Variants in TSPYL4 observed in about 807,000 individuals in gnomAD.
TSPYL4 encodes testis-specific Y-encoded-like protein 4.
A neutral mutation model predicts 24.2 loss-of-function variants in TSPYL4; 22 were observed. The ratio of observed to expected loss-of-function variants is 0.91; its 90% CI spans 0.65 to 1.30. The LOEUF is 1.30. Ranked by LOEUF, TSPYL4 falls within the 50% of genes most tolerant of loss-of-function variation. The pLI, the probability that TSPYL4 is intolerant of heterozygous loss-of-function variation, is 0.00. For synonymous variants in TSPYL4, 211 were observed against 208.2 expected (o/e 1.01, Z -0.12); for missense variants, 569 against 536.7 (o/e 1.06, Z -0.60).
At position 116,253,579 on chromosome 6, in the gene TSPYL4, T is replaced by A. The variant is rs1036981959; in HGVS notation, c.430A>T (p.Ile144Leu). Reference sequence around the variant, plus strand: ...ACTTCCTTGGCCTTCTTCCCCGGTATCATCTGAGACCCCAAGCCCCCTGCG... The same window carrying A: ...ACTTCCTTGGCCTTCTTCCCCGGTAACATCTGAGACCCCAAGCCCCCTGCG... ...CGAGGLGSQMIPGKKAKEVTT... is the reference protein window; with the variant it reads ...CGAGGLGSQMLPGKKAKEVTT... The change falls in exon 1 of 1, where the codon ATA becomes TTA. Residue 144 changes from isoleucine (I) to leucine (L), a missense_variant. Ile to Leu is a conservative substitution (Grantham distance 5, BLOSUM62 2). Transcript: ENST00000420283. This position sits in a 1 kb window ranked among gnomAD's most constrained non-coding sequence, Gnocchi z 4.3. 3.2e-6 allele frequency: 5 copies of A among 1,551,938 alleles called. No individual in the cohort carries two copies. The highest frequency in any genetic ancestry group is 4.4e-6 in the Non-Finnish European group (5 of 1,147,090).
At position 116,253,563 on chromosome 6, in the gene TSPYL4, G is replaced by C; in HGVS notation, c.446C>G (p.Ala149Gly). 6.4e-7 allele frequency: 1 copy of C among 1,551,850 alleles called. No homozygotes were observed. The change falls in exon 1 of 1, where the codon GCC becomes GGC. Residue 149 changes from alanine to glycine, a missense_variant. Ala to Gly is a moderately conservative substitution (Grantham distance 60). Coordinates refer to ENST00000420283, the MANE Select transcript of TSPYL4 (RefSeq NM_021648.5). The surrounding 1 kb of genome is among the most constrained non-coding windows in gnomAD (Gnocchi z 4.3). ...GCGTTTTTTAGTCGTCACTTCCTTG[G>C]CCTTCTTCCCCGGTATCATCTGAGA... ...LGSQMIPGKK[A>G]KEVTTKKRAI...
At position 116,252,621 on chromosome 6, in the gene TSPYL4, A is replaced by T; in HGVS notation, c.*143T>A. The T allele has an allele frequency of 9.3e-7, 1 of 1,073,796 alleles. No individual in the cohort carries two copies. Among genetic ancestry groups the T allele is most frequent in the Non-Finnish European group, 1.3e-6 (1 of 768,662 alleles). 66.5% of individuals were successfully genotyped at this position (1,073,796 alleles called of 1,614,324 possible). On this transcript the variant is annotated 3_prime_UTR_variant, in exon 1 of 1. Transcript: ENST00000420283. ...AGGTAAGCCAACAATCTTGCAACCG[A>T]TTACTGAAGATTTAGAACCAAAGGA...
At position 116,253,116 on chromosome 6, in the gene TSPYL4, A is replaced by G; in HGVS notation, c.893T>C (p.Phe298Ser). ...GAAGTAGGGGTTGCCCTGAAAGATG[A>G]ACTTGAATTTGCAGCCTGCTCTGGG... The part of the protein sequence containing the change: ...KHPRAGCKFK[F>S]IFQGNPYFRN... The change falls in exon 1 of 1, where the codon TTC becomes TCC. Residue 298 changes from phenylalanine to serine, a missense_variant. Phe to Ser is a radical substitution (Grantham distance 155). Coordinates refer to ENST00000420283, the MANE Select transcript of TSPYL4 (RefSeq NM_021648.5). This position sits in a 1 kb window ranked among gnomAD's most constrained non-coding sequence, Gnocchi z 4.3. 1 of 1,614,052 alleles carries G rather than the reference A, an allele frequency of 6.2e-7. No homozygotes were observed. The highest frequency in any genetic ancestry group is 8.5e-7 in the Non-Finnish European group (1 of 1,180,000).
Position 116,252,645 on chromosome 6 carries a change from GA to G in TSPYL4, c.*118del, listed in dbSNP as rs1771971332. 4 of 1,267,666 alleles carry G rather than the reference GA, an allele frequency of 3.2e-6. No homozygotes were observed. In the East Asian group the frequency reaches 1.0e-4, roughly 32 times the overall value. The allele number at this position is 1,267,666 out of a possible 1,614,324, so 78.5% of individuals were successfully genotyped here. ...GATTACTGAAGATTTAGAACCAAAG[GA>G]AAAGATAATCCACAGTATGAAGAGA... On this transcript the variant is annotated 3_prime_UTR_variant, in exon 1 of 1. Transcript: ENST00000420283.
At position 116,253,592 on chromosome 6, in the gene TSPYL4, C is replaced by T. The variant is rs903987079; in HGVS notation, c.417G>A (p.Leu139=). The T allele has an allele frequency of 1.9e-6, 3 of 1,552,318 alleles. No homozygotes were observed. The East Asian group carries it at 7.3e-5, about 38-fold the overall frequency. Residue 139 remains leucine, a synonymous_variant, in exon 1 of 1, where the codon TTG becomes TTA. Transcript: ENST00000420283. This position sits in a 1 kb window ranked among gnomAD's most constrained non-coding sequence, Gnocchi z 4.3. Reference sequence around the variant, plus strand: ...TCTTCCCCGGTATCATCTGAGACCCCAAGCCCCCTGCGCCACAGGCTTCTA... The same window carrying T: ...TCTTCCCCGGTATCATCTGAGACCCTAAGCCCCCTGCGCCACAGGCTTCTA... ...KALEACGAGG[L]GSQMIPGKKA...
chr6:116,253,691 G>T lies in TSPYL4; in HGVS notation c.318C>A (p.Ala106=), dbSNP rs1293568154. ...TTTTCTGGCTGCTGTCAGCAGCCTC[G>T]GCGGCAGAGGCTGCTTCCAGACCTT... is the stretch of plus-strand genomic sequence containing the variant. ...STKGLEAASA[A]EAADSSQKNG... Residue 106 remains alanine (A), a synonymous_variant, in exon 1 of 1, where the codon GCC becomes GCA. Coordinates refer to ENST00000420283, the MANE Select transcript of TSPYL4 (RefSeq NM_021648.5). This position sits in a 1 kb window ranked among gnomAD's most constrained non-coding sequence, Gnocchi z 4.3. 1 of 1,559,254 alleles carries T rather than the reference G, an allele frequency of 6.4e-7. No individual in the cohort carries two copies. Among genetic ancestry groups the T allele is most frequent in the South Asian group, 1.2e-5 (1 of 85,042 alleles).
rs747898961 is a variant in TSPYL4, at chr6:116,251,417, CAATT to C, written c.*1343_*1346del. 10 of 394,566 alleles carry C rather than the reference CAATT, an allele frequency of 2.5e-5. No homozygotes were observed. Among genetic ancestry groups the C allele is most frequent in the East Asian group, 7.2e-5 (2 of 27,864 alleles). 24.4% of individuals were successfully genotyped at this position (394,566 alleles called of 1,614,324 possible). A position where few individuals can be genotyped will look rare whatever the true frequency, so the allele number is the denominator to read the frequency against. On this transcript the variant is annotated 3_prime_UTR_variant, in exon 1 of 1. Coordinates refer to ENST00000420283, the MANE Select transcript of TSPYL4 (RefSeq NM_021648.5). ...TAATTTAACACTGCCTATAACTAAA[CAATT>C]AACCTATAGGTCTCCCTTTGAAACT...
At position 116,252,995 on chromosome 6, in the gene TSPYL4, G is replaced by A. The variant is rs528059312; in HGVS notation, c.1014C>T (p.Pro338=). Residue 338 remains proline, a synonymous_variant, in exon 1 of 1, where the codon CCC becomes CCT. Coordinates refer to ENST00000420283, the MANE Select transcript of TSPYL4 (RefSeq NM_021648.5). ...TPIRWHRGQD[P]QAHIHRNREG... is the part of the protein sequence containing the mutation. ...CCCGGTTTCTGTGGATATGAGCCTG[G>A]GGGTCTTGGCCTCGGTGCCAGCGGA... The A allele has an allele frequency of 1.2e-6, 2 of 1,614,186 alleles. No homozygotes were observed. The highest frequency in any genetic ancestry group is 1.3e-5 in the African/African-American group (1 of 75,040).
chr6:116,252,837 G>A lies in TSPYL4; in HGVS notation c.1172C>T (p.Pro391Leu), dbSNP rs2114576896. ...TGGTGGGCCTCGAATTCCTCTACGG[G>A]GCCCTTCACCCATCAGGTAGTATTG... The part of the protein sequence containing the change: ...PLQYYLMGEG[P>L]RRGIRGPPRQ... The change falls in exon 1 of 1, where the codon CCC becomes CTC. Residue 391 changes from proline to leucine, a missense_variant. Coordinates refer to ENST00000420283, the MANE Select transcript of TSPYL4 (RefSeq NM_021648.5). 1 of 1,599,440 alleles carries A rather than the reference G, an allele frequency of 6.3e-7. No homozygotes were observed. The highest frequency in any genetic ancestry group is 1.3e-5 in the African/African-American group (1 of 74,746).
chr6:116,253,670 C>T lies in TSPYL4; in HGVS notation c.339G>A (p.Gln113=). 1 of 1,557,026 alleles carries T rather than the reference C, an allele frequency of 6.4e-7. No individual in the cohort carries two copies. Among genetic ancestry groups the T allele is most frequent in the Non-Finnish European group, 8.7e-7 (1 of 1,148,710 alleles). Residue 113 remains glutamine (Q), a synonymous_variant, in exon 1 of 1, where the codon CAG becomes CAA. Transcript: ENST00000420283. The surrounding 1 kb of genome is among the most constrained non-coding windows in gnomAD (Gnocchi z 4.3). ...GCTCTCCAAGCTGACAGCCATTTTTCTGGCTGCTGTCAGCAGCCTCGGCGG... is the reference window on the plus strand; with the variant it reads ...GCTCTCCAAGCTGACAGCCATTTTTTTGGCTGCTGTCAGCAGCCTCGGCGG... The part of the protein sequence containing the change: ...ASAAEAADSS[Q]KNGCQLGEPR...
At position 116,252,012 on chromosome 6, in the gene TSPYL4, A is replaced by C. The variant is rs1771958352; in HGVS notation, c.*752T>G. ...AAGCAAAGTTCAACCAGAAGGTGAG[A>C]GTGAGTAGGGGTGGGCTATAGCACA... On this transcript the variant is annotated 3_prime_UTR_variant, in exon 1 of 1. Coordinates refer to ENST00000420283, the MANE Select transcript of TSPYL4 (RefSeq NM_021648.5). 6.6e-6 allele frequency: 1 copy of C among 152,510 alleles called. No homozygotes were observed. Among genetic ancestry groups the C allele is most frequent in the Non-Finnish European group, 1.5e-5 (1 of 68,148 alleles). 9.4% of individuals were successfully genotyped at this position (152,510 alleles called of 1,614,324 possible).
chr6:116,250,077 CAG>C lies in TSPYL4; in HGVS notation c.*2685_*2686del, dbSNP rs1771923746. 2 of 152,216 alleles carry C rather than the reference CAG, an allele frequency of 1.3e-5. No individual in the cohort carries two copies. The highest frequency in any genetic ancestry group is 2.1e-4 in the South Asian group (1 of 4,822). 9.4% of individuals were successfully genotyped at this position (152,216 alleles called of 1,614,324 possible). A position where few individuals can be genotyped will look rare whatever the true frequency, so the allele number is the denominator to read the frequency against. On this transcript the variant is annotated 3_prime_UTR_variant, in exon 1 of 1. Coordinates refer to ENST00000420283, the MANE Select transcript of TSPYL4 (RefSeq NM_021648.5). ...AGTACTAAATGATCATTGAGTTTGA[CAG>C]AGAAATTCTACTGGTACTTACACTG... is the stretch of plus-strand genomic sequence containing the variant.
At position 116,253,330 on chromosome 6, in the gene TSPYL4, G is replaced by C. The variant is rs1771996580; in HGVS notation, c.679C>G (p.Gln227Glu). 6.4e-7 allele frequency: 1 copy of C among 1,571,934 alleles called. No homozygotes were observed. Among genetic ancestry groups the C allele is most frequent in the Non-Finnish European group, 8.6e-7 (1 of 1,158,066 alleles). Residue 227 changes from glutamine (Q) to glutamate (E), a missense_variant, in exon 1 of 1, where the codon CAG (glutamine) becomes GAG (glutamate). Transcript: ENST00000420283. This position sits in a 1 kb window ranked among gnomAD's most constrained non-coding sequence, Gnocchi z 4.3. Reference sequence around the variant, plus strand: ...ATGCGGCCAAACTTGCGCTCAAGCTGAAGGAAGGCCCTGTCAGCCTGGGCA... The same window carrying C: ...ATGCGGCCAAACTTGCGCTCAAGCTCAAGGAAGGCCCTGTCAGCCTGGGCA... ...VNAQADRAFL[Q>E]LERKFGRMRR...
rs371934936 is a variant in TSPYL4, at chr6:116,253,060, G to A, written c.949C>T (p.Arg317Cys). The A allele has an allele frequency of 2.4e-5, 39 of 1,613,992 alleles. No homozygotes were observed. Among genetic ancestry groups the A allele is most frequent in the Non-Finnish European group, 2.9e-5 (34 of 1,180,042 alleles). Residue 317 changes from arginine to cysteine, a missense_variant, in exon 1 of 1, where the codon CGC (arginine) becomes TGC (cysteine). Coordinates refer to ENST00000420283, the MANE Select transcript of TSPYL4 (RefSeq NM_021648.5). The surrounding 1 kb of genome is among the most constrained non-coding windows in gnomAD (Gnocchi z 4.3). ...RNEGLVKEYE[R>C]RSSGRVVSLS... ...GACACCACCCGGCCAGAGGATCTGCGTTCATATTCCTTGACAAGCCCCTCA... is the reference window on the plus strand; with the variant it reads ...GACACCACCCGGCCAGAGGATCTGCATTCATATTCCTTGACAAGCCCCTCA...
chr6:116,253,279 T>C lies in TSPYL4; in HGVS notation c.730A>G (p.Ser244Gly). 1 of 1,609,590 alleles carries C rather than the reference T, an allele frequency of 6.2e-7. No individual in the cohort carries two copies. Among genetic ancestry groups the C allele is most frequent in the Non-Finnish European group, 8.5e-7 (1 of 1,177,680 alleles). Residue 244 changes from serine (S) to glycine (G), a missense_variant, in exon 1 of 1, where the codon AGT becomes GGT. By Grantham distance (56) the Ser-to-Gly change is moderately conservative. Coordinates refer to ENST00000420283, the MANE Select transcript of TSPYL4 (RefSeq NM_021648.5). This position sits in a 1 kb window ranked among gnomAD's most constrained non-coding sequence, Gnocchi z 4.3. ...RMRRLHMQRR[S>G]FIIQNIPGFW... ...CCTGGGATATTCTGGATAATGAAAC[T>C]TCTGCGCTGCATGTGGAGCCTTCGC...
In TSPYL4 at chr6:116,252,655, T is replaced by G; in HGVS notation, c.*109A>C. On this transcript the variant is annotated 3_prime_UTR_variant, in exon 1 of 1. Transcript: ENST00000420283. ...GATTTAGAACCAAAGGAAAAGATAA[T>G]CCACAGTATGAAGAGAAAGCAGATG... 1 of 1,302,880 alleles carries G rather than the reference T, an allele frequency of 7.7e-7. No individual in the cohort carries two copies. 80.7% of individuals were successfully genotyped at this position (1,302,880 alleles called of 1,614,324 possible).
In TSPYL4 at chr6:116,252,952, T is replaced by C. The variant is rs774208266; in HGVS notation, c.1057A>G (p.Ser353Gly). The change falls in exon 1 of 1, where the codon AGT becomes GGT. Residue 353 changes from serine (S) to glycine (G), a missense_variant. Transcript: ENST00000420283. ...TGGTCTGAAAACCAGTTGAAGAAAC[T>C]AGGGATAGTGTTCCCTTCCCGGTTT... ...HRNREGNTIPSFFNWFSDHSL... is the reference protein window; with the variant it reads ...HRNREGNTIPGFFNWFSDHSL... The C allele has an allele frequency of 1.2e-6, 2 of 1,613,816 alleles. No individual in the cohort carries two copies. The highest frequency in any genetic ancestry group is 1.3e-5 in the African/African-American group (1 of 74,918).
At position 116,250,857 on chromosome 6, in the gene TSPYL4, T is replaced by C. The variant is rs554356736; in HGVS notation, c.*1907A>G. 4.5e-6 allele frequency: 1 copy of C among 221,272 alleles called. No individual in the cohort carries two copies. The highest frequency in any genetic ancestry group is 8.8e-6 in the Non-Finnish European group (1 of 113,726). The allele number at this position is 221,272 out of a possible 1,614,324, so 13.7% of individuals were successfully genotyped here. A position where few individuals can be genotyped will look rare whatever the true frequency, so the allele number is the denominator to read the frequency against. ...AAACCAAAGGGGAAAAGGGTGATGGTGGATGGTCTTTATCACCACACATGA... is the reference window on the plus strand; with the variant it reads ...AAACCAAAGGGGAAAAGGGTGATGGCGGATGGTCTTTATCACCACACATGA... On this transcript the variant is annotated 3_prime_UTR_variant, in exon 1 of 1. Coordinates refer to ENST00000420283, the MANE Select transcript of TSPYL4 (RefSeq NM_021648.5).
Position 116,253,332 on chromosome 6 carries a change from A to C in TSPYL4, c.677T>G (p.Leu226Arg). The change falls in exon 1 of 1, where the codon CTT (leucine) becomes CGT (arginine). Residue 226 changes from leucine to arginine, a missense_variant. Coordinates refer to ENST00000420283, the MANE Select transcript of TSPYL4 (RefSeq NM_021648.5). This position sits in a 1 kb window ranked among gnomAD's most constrained non-coding sequence, Gnocchi z 4.3. ...GCGGCCAAACTTGCGCTCAAGCTGAAGGAAGGCCCTGTCAGCCTGGGCATT... is the reference window on the plus strand; with the variant it reads ...GCGGCCAAACTTGCGCTCAAGCTGACGGAAGGCCCTGTCAGCCTGGGCATT... Reference protein sequence around the residue: ...NVNAQADRAFLQLERKFGRMR... With the variant: ...NVNAQADRAFRQLERKFGRMR... 1 of 1,570,896 alleles carries C rather than the reference A, an allele frequency of 6.4e-7. No homozygotes were observed. Among genetic ancestry groups the C allele is most frequent in the South Asian group, 1.2e-5 (1 of 85,980 alleles).
Sources: gnomAD v4.1 joint callset for allele counts on GRCh38, gnomAD v4.1.1 for gene constraint, Gnocchi (gnomAD v3.1) non-coding constraint, MANE v1.5 for transcripts, NCBI Gene and HGNC (gene_info 2026-07-23, HGNC 2026-07-21) for gene names.